AK8: variants seen among roughly 807,000 people sequenced by gnomAD.
The protein encoded by AK8 is ATP-AMP transphosphorylase 8.
Under a neutral mutation model 54.6 loss-of-function variants are expected in AK8, and 44 were observed. The ratio of observed to expected loss-of-function variants is 0.81; its 90% confidence interval spans 0.63 to 1.04. The LOEUF (loss-of-function observed/expected upper bound fraction) is 1.04, where lower values mean the gene tolerates loss of function less well. AK8 is among the 50% of genes least tolerant of loss of function. The pLI, the probability that AK8 is intolerant of heterozygous loss-of-function variation, is 0.00. For synonymous variants in AK8, 239 were observed against 245.6 expected (o/e 0.97, Z 0.25); for missense variants, 555 against 613.6 (o/e 0.90, Z 1.01).
chr9:132,760,020 G>A (rs927500267), intron 11 of AK8, among the ~76,000 whole-genome samples: 3 of 152,162 alleles, frequency 2.0e-5, no homozygotes, highest in Non-Finnish European at 4.4e-5. Flanking sequence ...GGGAAGGGGT[G>A]ACATCTTTAT....
rs1304978213 is a variant in AK8, at chr9:132,860,864, G to T, written c.333+2801C>A. ...TGTGGGGCAGAGTCTTATGTTTACAGGAGGTCTTGCCATTGTCCACACTGA... is the reference window on the plus strand; with the variant it reads ...TGTGGGGCAGAGTCTTATGTTTACATGAGGTCTTGCCATTGTCCACACTGA... On this transcript the variant is annotated intron_variant, in intron 4 of 12. Transcript: ENST00000298545. The surrounding 1 kb of genome is among the most constrained non-coding windows in gnomAD (Gnocchi z 4.4). 2.0e-5 allele frequency among the ~76,000 whole-genome samples: 3 copies of T among 152,184 alleles called. No individual in the cohort carries two copies. Among genetic ancestry groups the T allele is most frequent in the African/African-American group, 7.2e-5 (3 of 41,438 alleles).
chr9:132,866,778 G>A (rs965158045), intron 3 of AK8, 126 bp downstream of exon 3: 2 of 922,452 alleles, frequency 2.2e-6, no homozygotes, highest in African/African-American at 3.3e-5. Flanking sequence ...TTTGTAATAA[G>A]AAGGAGGAGA....
intron 7 of AK8, 154 bp downstream of exon 7, chr9:132,827,858 TG>T (rs1278681917): frequency 1.0e-5 from 7 of 669,676 alleles, no homozygotes; most frequent in Non-Finnish European, 1.5e-5. Flanking sequence ...CCCTTGCCAG[TG>T]TCTTCCAGCT....
At chr9:132,760,825 A>C (rs1232779658) in intron 11 of AK8, among the ~76,000 whole-genome samples, 1 of 152,094 alleles carries the variant, frequency 6.6e-6, no homozygotes, top group Non-Finnish European at 1.5e-5. Flanking sequence ...CATCTATTGA[A>C]ATAGCTATAT....
intron 5 of AK8, among the ~76,000 whole-genome samples, chr9:132,839,822 G>A (rs1564431777): frequency 7.0e-6 from 1 of 143,402 alleles, no homozygotes; most frequent in Non-Finnish European, 1.5e-5. Flanking sequence ...TTTTTTGCCG[G>A]GGGGGGGGGC....
chr9:132,779,997 C>T (rs1291398362), intron 11 of AK8, among the ~76,000 whole-genome samples: 1 of 152,072 alleles, frequency 6.6e-6, no homozygotes, highest in Non-Finnish European at 1.5e-5. Context: ...ATAATCAGCA[C>T]TCAGTAAAGA....
intron 7 of AK8, 91 bp from the exon 8 acceptor site, chr9:132,827,145 G>T: frequency 7.4e-7 from 1 of 1,343,394 alleles, no homozygotes; most frequent in Non-Finnish European, 1.1e-6. Context: ...TGTCCTGGAG[G>T]CCAGGCCCTA....
chr9:132,823,055 G>C, intron 9 of AK8, 150 bp downstream of exon 9: 2 of 1,146,040 alleles, frequency 1.7e-6, no homozygotes, highest in Non-Finnish European at 2.3e-6. Flanking sequence ...TGGACTAACA[G>C]AAAATGGTTA....
chr9:132,765,292 C>CAAAAA (rs61495439), intron 11 of AK8, among the ~76,000 whole-genome samples: 8,366 of 62,600 alleles, frequency 0.13, 1,529 homozygotes, highest in East Asian at 0.38. Context: ...GACTCCATTT[C>CAAAAA]AAAAAAAAAA....
intron 4 of AK8, among the ~76,000 whole-genome samples, chr9:132,859,893 C>A (rs76611893): frequency 0.029 from 4,461 of 152,086 alleles, 234 homozygotes; most frequent in African/African-American, 0.1. Flanking sequence ...GTGTTAGGGC[C>A]ACTACTGTGG....
At chr9:132,817,258 A>T (rs1841373847) in intron 9 of AK8, among the ~76,000 whole-genome samples, 3 of 152,226 alleles carry the variant, frequency 2.0e-5, no homozygotes, top group Admixed American at 2.0e-4. Flanking sequence ...TCCAAACTCA[A>T]TACTCTTAAA....
At position 132,878,046 on chromosome 9, in the gene AK8, C is replaced by A; in HGVS notation, c.84+126G>T. ...CACGGCGACACACGAATCGTACATC[C>A]CGAGTTGGGCTGCTTCGTGGGCGCG... On this transcript the variant is annotated intron_variant, in intron 1 of 12. Coordinates refer to ENST00000298545, the MANE Select transcript of AK8 (RefSeq NM_152572.3). This position sits in a 1 kb window ranked among gnomAD's most constrained non-coding sequence, Gnocchi z 4.7. 1 of 1,537,956 alleles carries A rather than the reference C, an allele frequency of 6.5e-7. No homozygotes were observed. Among genetic ancestry groups the A allele is most frequent in the South Asian group, 1.2e-5 (1 of 83,562 alleles).
chr9:132,800,286 G>A (rs1840380810), intron 10 of AK8, among the ~76,000 whole-genome samples: 1 of 152,210 alleles, frequency 6.6e-6, no homozygotes, highest in Non-Finnish European at 1.5e-5. Context: ...CTGGCGCCAG[G>A]TGTTTCTGTT....
chr9:132,813,976 CAA>C (rs1281498988), intron 10 of AK8, among the ~76,000 whole-genome samples: 1 of 151,968 alleles, frequency 6.6e-6, no homozygotes, highest in East Asian at 1.9e-4. Context: ...TTTTATATAC[CAA>C]ATAATAAAGG....
chr9:132,814,817 G>A, intron 9 of AK8, 90 bp from the exon 10 acceptor site: 3 of 1,124,736 alleles, frequency 2.7e-6, no homozygotes, highest in Non-Finnish European at 3.8e-6. Flanking sequence ...GCCTGCTGAG[G>A]GAAAAAAAAA....
intron 5 of AK8, among the ~76,000 whole-genome samples, 162 bp from the exon 6 acceptor site, chr9:132,828,888 T>A (rs928094173): frequency 3.9e-5 from 6 of 152,192 alleles, no homozygotes; most frequent in Non-Finnish European, 7.3e-5. Flanking sequence ...TACTTTGTAA[T>A]ATATTATTAT....
At position 132,799,797 on chromosome 9, in the gene AK8, G is replaced by A. The variant is rs1293500048; in HGVS notation, c.980-7022C>T. 1.3e-5 allele frequency among the ~76,000 whole-genome samples: 2 copies of A among 152,038 alleles called. No homozygotes were observed. The highest frequency in any genetic ancestry group is 2.9e-5 in the Non-Finnish European group (2 of 68,020). ...CCCTCACATTCGCTTCAAACTGCCC[G>A]GTGTAACTTCTTTCCTTCTTCAAGC... On this transcript the variant is annotated intron_variant, in intron 10 of 12. Coordinates refer to ENST00000298545, the MANE Select transcript of AK8 (RefSeq NM_152572.3). The surrounding 1 kb of genome is among the most constrained non-coding windows in gnomAD (Gnocchi z 5.0).
In AK8 at chr9:132,826,931, A is replaced by C. The variant is rs146348434; in HGVS notation, c.680T>G (p.Val227Gly). Reference sequence around the variant, plus strand: ...TTTGGGGTAGGAGGGAATGACCCTGACGATGTTCCTATGATACTCCAGCAG... The same window carrying C: ...TTTGGGGTAGGAGGGAATGACCCTGCCGATGTTCCTATGATACTCCAGCAG... Reference protein sequence around the residue: ...QKLLEYHRNIVRVIPSYPKIL... With the variant: ...QKLLEYHRNIGRVIPSYPKIL... Residue 227 changes from valine (V) to glycine (G), a missense_variant, in exon 8 of 13, where the codon GTC (valine) becomes GGC (glycine). Coordinates refer to ENST00000298545, the MANE Select transcript of AK8 (RefSeq NM_152572.3). The surrounding 1 kb of genome is among the most constrained non-coding windows in gnomAD (Gnocchi z 4.5). 7.4e-4 allele frequency: 1,197 copies of C among 1,614,144 alleles called. No individual in the cohort carries two copies. Among genetic ancestry groups the C allele is most frequent in the Non-Finnish European group, 8.7e-4 (1,028 of 1,180,026 alleles).
intron 5 of AK8, among the ~76,000 whole-genome samples, chr9:132,838,874 A>G (rs752949290): frequency 6.6e-6 from 1 of 152,190 alleles, no homozygotes; most frequent in African/African-American, 2.4e-5. Flanking sequence ...AATGCATCAC[A>G]GTGTGACGTG....
Sources: gnomAD v4.1 joint callset for allele counts (sites outside exome capture counted in the v4.1 genomes callset) on GRCh38, gnomAD v4.1.1 for gene constraint, Gnocchi (gnomAD v3.1) non-coding constraint, MANE v1.5 for transcripts, NCBI Gene and HGNC (gene_info 2026-07-23, HGNC 2026-07-21) for gene names.